TARS2: variants seen among roughly 807,000 people sequenced by gnomAD.
TARS2 encodes threonyl-tRNA synthetase 2, mitochondrial.
Under a neutral mutation model 94.4 loss-of-function variants are expected in TARS2, and 61 were observed. The observed-to-expected ratio is 0.65, with a 90% confidence interval of 0.53 to 0.80. The LOEUF is 0.80. Ranked by LOEUF, TARS2 falls within the 30% of genes least tolerant of loss-of-function variation. The probability of loss-of-function intolerance (pLI) is 0.00; values close to 1 mark genes in which losing one functional copy is unlikely to be tolerated. For missense variants in TARS2, 704 were observed against 902.5 expected, an observed-to-expected ratio of 0.78 and a Z score of 2.82; for synonymous variants, 359 against 353.4, an observed-to-expected ratio of 1.02 and a Z score of -0.18.
In TARS2 at chr1:150,487,978, A is replaced by T. The variant is rs778003510; in HGVS notation, c.187A>T (p.Ile63Leu). ...ACAGAAGGAACCCCGGACTATTAAG[A>T]TATCACTTCCTGGAGGCCAGAAAAT... is the stretch of plus-strand genomic sequence containing the variant. Reference protein sequence around the residue: ...MAQKEPRTIKISLPGGQKIDA... With the variant: ...MAQKEPRTIKLSLPGGQKIDA... The change falls in exon 2 of 18, where the codon ATA becomes TTA. Residue 63 changes from isoleucine to leucine, a missense_variant. By Grantham distance (5) the Ile-to-Leu change is conservative. This residue lies in a region of TARS2 where 208 missense variants were observed against 228.5 expected (regional missense o/e 0.91). Coordinates refer to ENST00000369064, the MANE Select transcript of TARS2 (RefSeq NM_025150.5). The T allele has an allele frequency of 6.2e-7, 1 of 1,614,088 alleles. No individual in the cohort carries two copies. The highest frequency in any genetic ancestry group is 8.5e-7 in the Non-Finnish European group (1 of 1,180,032).
Position 150,507,108 on chromosome 1 carries a change from C to T in TARS2, c.*44C>T, listed in dbSNP as rs1670263917. ...GGCAAAAACCTGCGAGTGCCATCAG[C>T]CTCCCTCACATGGGAGACCCCAACC... is the stretch of plus-strand genomic sequence containing the variant. On this transcript the variant is annotated 3_prime_UTR_variant, in exon 18 of 18. Coordinates refer to ENST00000369064, the MANE Select transcript of TARS2 (RefSeq NM_025150.5). 3 of 1,609,012 alleles carry T rather than the reference C, an allele frequency of 1.9e-6. No homozygotes were observed. The highest frequency in any genetic ancestry group is 2.5e-6 in the Non-Finnish European group (3 of 1,177,306).
chr1:150,488,754 C>T, intron 2 of TARS2: 1 of 517,892 alleles, frequency 1.9e-6, no homozygotes. Context: ...GAGCATATTC[C>T]TTCTGTCTAA....
At chr1:150,488,417 C>G (rs1199883169) in intron 2 of TARS2, 1 of 183,550 alleles carries the variant, frequency 5.4e-6, no homozygotes, top group Non-Finnish European at 1.1e-5. Flanking sequence ...TTCTGTTGCT[C>G]TGGTAACTCA....
intron 9 of TARS2, 128 bp from the exon 10 acceptor site, chr1:150,497,402 A>T: frequency 1.3e-6 from 1 of 766,434 alleles, no homozygotes; most frequent in Non-Finnish European, 2.2e-6. Context: ...TAGAGATGGG[A>T]CCTGGTATTT....
intron 7 of TARS2, among the ~76,000 whole-genome samples, chr1:150,494,815 A>G (rs1669578946): frequency 6.6e-6 from 1 of 152,200 alleles, no homozygotes; most frequent in South Asian, 2.1e-4. Context: ...AGGCGAGTGA[A>G]TCACGAGGTC....
Position 150,499,224 on chromosome 1 carries a change from A to G in TARS2, c.1548A>G (p.Lys516=). Residue 516 remains lysine, a synonymous_variant, in exon 13 of 18, where the codon AAA becomes AAG. Transcript: ENST00000369064. Reference sequence around the variant, plus strand: ...GTCTCATTCCTTCAAAGGTCCTTAAACAGGCCCTGAAGGAATTTGGAGAAC... The same window carrying G: ...GTCTCATTCCTTCAAAGGTCCTTAAGCAGGCCCTGAAGGAATTTGGAGAAC... ...CLWDQAEQVL[K]QALKEFGEPW... is the part of the protein sequence containing the mutation. 3 of 1,614,094 alleles carry G rather than the reference A, an allele frequency of 1.9e-6. No homozygotes were observed. The highest frequency in any genetic ancestry group is 2.5e-6 in the Non-Finnish European group (3 of 1,180,020).
Position 150,494,775 on chromosome 1 carries a change from C to A in TARS2, c.775-1707C>A, listed in dbSNP as rs182710995. Among the ~76,000 whole-genome samples, 83 of 152,210 alleles carry A rather than the reference C, an allele frequency of 5.5e-4. 2 individuals are homozygous for A. The highest frequency in any genetic ancestry group is 2.4e-4 in the Non-Finnish European group (16 of 68,008). On this transcript the variant is annotated intron_variant, in intron 7 of 17. Transcript: ENST00000369064. Reference sequence around the variant, plus strand: ...TATAGGGGCTGGGCGTGGTGGCTCACGCCTGTAATCCTAACACTTTGGGAG... The same window carrying A: ...TATAGGGGCTGGGCGTGGTGGCTCAAGCCTGTAATCCTAACACTTTGGGAG...
At position 150,492,705 on chromosome 1, in the gene TARS2, G is replaced by A. The variant is rs1273418294; in HGVS notation, c.774+216G>A. On this transcript the variant is annotated intron_variant, in intron 7 of 17. Coordinates refer to ENST00000369064, the MANE Select transcript of TARS2 (RefSeq NM_025150.5). ...CACACCTGTAGTCCTAGCTGCTCGG[G>A]AGGCTGAGACAGGAGAGTTGCCTGA... is the stretch of plus-strand genomic sequence containing the variant. Among the ~76,000 whole-genome samples, 5 of 150,706 alleles carry A rather than the reference G, an allele frequency of 3.3e-5. No homozygotes were observed. The East Asian group carries it at 1.0e-3, about 30-fold the overall frequency.
chr1:150,498,456 G>GTC, intron 10 of TARS2, 46 bp from the exon 11 acceptor site: 11 of 1,515,572 alleles, frequency 7.3e-6, no homozygotes, highest in Admixed American at 4.7e-5. Context: ...AGTCTTCGGG[G>GTC]GCTAGTCCTC....
At chr1:150,503,613 A>ATATGTGTGTGTG (rs1560257434) in intron 13 of TARS2, among the ~76,000 whole-genome samples, 1,570 of 89,136 alleles carry the variant, frequency 0.018, 45 homozygotes, top group African/African-American at 0.066. Context: ...ATGTGTGTAT[A>ATATGTGTGTGTG]TATATGTGTG....
intron 16 of TARS2, among the ~76,000 whole-genome samples, 194 bp from the exon 17 acceptor site, chr1:150,505,397 G>A (rs939533243): frequency 6.6e-6 from 1 of 152,164 alleles, no homozygotes; most frequent in Non-Finnish European, 1.5e-5. Context: ...CAGAAAGATT[G>A]TGGGGTTGGG....
intron 13 of TARS2, among the ~76,000 whole-genome samples, chr1:150,500,411 G>A (rs1394957595): frequency 2.7e-5 from 4 of 149,852 alleles, no homozygotes; most frequent in Admixed American, 6.6e-5. Context: ...CCAACGTGGC[G>A]AAACCCCATC....
intron 13 of TARS2, among the ~76,000 whole-genome samples, chr1:150,503,653 A>ATACATGTGTG (rs1670056799): frequency 1.3e-5 from 2 of 148,446 alleles, no homozygotes; most frequent in Non-Finnish European, 3.0e-5. Flanking sequence ...ATATGTGTGT[A>ATACATGTGTG]TATATGTGTG....
chr1:150,491,777 T>G, intron 6 of TARS2, 115 bp downstream of exon 6: 2 of 1,126,488 alleles, frequency 1.8e-6, no homozygotes, highest in Non-Finnish European at 2.6e-6. Flanking sequence ...GAAAAAGAAA[T>G]GGGAATGGGA....
rs913009617 is a variant in TARS2 at position 150,507,011 on chromosome 1, C to T, written c.2104C>T (p.Arg702Ter). The T allele has an allele frequency of 1.2e-5, 19 of 1,614,068 alleles. No individual in the cohort carries two copies. Among genetic ancestry groups the T allele is most frequent in the Non-Finnish European group, 1.6e-5 (19 of 1,180,022 alleles). ...GTGGGACTTGCCTGAGGCTGTGCAGCGACTGGTGGAGCTACAGAACACGAG... is the reference window on the plus strand; with the variant it reads ...GTGGGACTTGCCTGAGGCTGTGCAGTGACTGGTGGAGCTACAGAACACGAG... ...GEWDLPEAVQRLVELQNTRVP... is the reference protein window; with the variant it reads ...GEWDLPEAVQ The change falls in exon 18 of 18, where the codon CGA becomes TGA. Residue 702 changes from arginine (R) to a stop codon, truncating the protein, a stop_gained. Transcript: ENST00000369064. LOFTEE classifies it high-confidence loss of function.
At chr1:150,497,394 G>C (rs1669711471) in intron 9 of TARS2, 136 bp from the exon 10 acceptor site, 1 of 716,686 alleles carries the variant, frequency 1.4e-6, no homozygotes, top group African/African-American at 1.8e-5. Flanking sequence ...GGGGAGCATA[G>C]AGATGGGACC....
In TARS2 at chr1:150,488,983, G is replaced by A; in HGVS notation, c.283G>A (p.Ala95Thr). The change falls in exon 3 of 18, where the codon GCA becomes ACA. Residue 95 changes from alanine (A) to threonine (T), a missense_variant. Physicochemically the swap from Ala to Thr is moderately conservative, Grantham distance 58. Coordinates refer to ENST00000369064, the MANE Select transcript of TARS2 (RefSeq NM_025150.5). The stretch of plus-strand genomic sequence containing the variant: ...CTGAAGTTCAACACTGGCAGATACT[G>A]CAGTGGCTGCTCAAGTGAATGGAGA... The part of the protein sequence containing the change: ...RQISSTLADT[A>T]VAAQVNGEPY... The A allele has an allele frequency of 6.2e-7, 1 of 1,614,092 alleles. No homozygotes were observed. Among genetic ancestry groups the A allele is most frequent in the Non-Finnish European group, 8.5e-7 (1 of 1,179,982 alleles).
Position 150,488,014 on chromosome 1 carries a change from G to T in TARS2, c.223G>T (p.Ala75Ser), listed in dbSNP as rs775863969. Reference sequence around the variant, plus strand: ...TGGAGGCCAGAAAATTGATGCTGTGGCATGGAACACAACCCCCTACCAACT... The same window carrying T: ...TGGAGGCCAGAAAATTGATGCTGTGTCATGGAACACAACCCCCTACCAACT... ...LPGGQKIDAV[A>S]WNTTPYQLAR... Residue 75 changes from alanine (A) to serine (S), a missense_variant, in exon 2 of 18, where the codon GCA becomes TCA. Coordinates refer to ENST00000369064, the MANE Select transcript of TARS2 (RefSeq NM_025150.5). The T allele has an allele frequency of 1.9e-6, 3 of 1,614,018 alleles. No homozygotes were observed. The South Asian group carries it at 3.3e-5, about 18-fold the overall frequency.
Position 150,496,530 on chromosome 1 carries a change from A to C in TARS2, c.823A>C (p.Arg275=), listed in dbSNP as rs1257397788. The C allele has an allele frequency of 6.2e-7, 1 of 1,614,092 alleles. No individual in the cohort carries two copies. The highest frequency in any genetic ancestry group is 1.7e-5 in the Admixed American group (1 of 60,008). ...RSSGAPETLQ[R]VSGISFPTTE... ...TTCAGGGGCCCCAGAGACACTGCAG[A>C]GAGTGTCAGGGATTTCCTTCCCCAC... Residue 275 remains arginine (R), a synonymous_variant, in exon 8 of 18, where the codon AGA becomes CGA. Coordinates refer to ENST00000369064, the MANE Select transcript of TARS2 (RefSeq NM_025150.5).
Sources: allele counts gnomAD v4.1 joint callset (sites outside exome capture counted in the v4.1 genomes callset), GRCh38; gene constraint gnomAD v4.1.1; regional missense constraint gnomAD v4.1.1; transcripts MANE v1.5; gene names NCBI Gene and HGNC (gene_info 2026-07-23, HGNC 2026-07-21).